The following ME1 variants were observed in gnomAD, a reference collection of about 807,000 sequenced individuals.
The protein encoded by ME1 is malic enzyme 1, also known as NADP-dependent malic enzyme.
In ME1, 74 loss-of-function variants were observed where a neutral mutation model predicts 66.4. That is an observed-to-expected ratio of 1.11 (90% CI 0.92 to 1.35). The LOEUF (loss-of-function observed/expected upper bound fraction) is 1.35, where lower values mean the gene tolerates loss of function less well. ME1 is among the 40% of genes most tolerant of loss of function. The probability of loss-of-function intolerance (pLI) is 0.00; values close to 1 mark genes in which losing one functional copy is unlikely to be tolerated. For missense variants in ME1, 750 were observed against 694.1 expected (o/e 1.08, Z -0.90); for synonymous variants, 251 against 235.6 (o/e 1.07, Z -0.60).
At chr6:83,406,583 G>A (rs72911797) in intron 2 of ME1, among the ~76,000 whole-genome samples, 3,325 of 152,210 alleles carry the variant, frequency 0.022, 63 homozygotes, top group Middle Eastern at 0.048. Flanking sequence ...TCACACTGGG[G>A]ATTAGATTTC....
intron 3 of ME1, among the ~76,000 whole-genome samples, chr6:83,397,064 T>C (rs898986335): frequency 5.9e-5 from 9 of 152,120 alleles, no homozygotes; most frequent in African/African-American, 2.2e-4. Context: ...AGCCTCATGA[T>C]AGTAGTTTGG....
chr6:83,293,714 A>C (rs1583362171), intron 6 of ME1, among the ~76,000 whole-genome samples: 1 of 152,166 alleles, frequency 6.6e-6, no homozygotes, highest in Non-Finnish European at 1.5e-5. Flanking sequence ...GTCATAATGT[A>C]TCTGCTTCTG....
At chr6:83,221,001 A>C (rs752580030) in intron 12 of ME1, among the ~76,000 whole-genome samples, 10 of 152,176 alleles carry the variant, frequency 6.6e-5, no homozygotes, top group Non-Finnish European at 1.5e-4. Flanking sequence ...TCTACTAAAA[A>C]TACAAAAATT....
intron 6 of ME1, among the ~76,000 whole-genome samples, chr6:83,294,113 T>A (rs1349025385): frequency 6.6e-6 from 1 of 152,196 alleles, no homozygotes; most frequent in East Asian, 1.9e-4. Flanking sequence ...TGGATGAAGC[T>A]AAACATTTAC....
chr6:83,392,841 C>T (rs1769650501), intron 3 of ME1: 4 of 756,654 alleles, frequency 5.3e-6, no homozygotes, highest in East Asian at 5.5e-5. Context: ...AATATGACAA[C>T]AGCTCAAGAT....
At chr6:83,425,004 TTTTGTTTTGC>T (rs1415471623) in intron 1 of ME1, among the ~76,000 whole-genome samples, 1 of 152,156 alleles carries the variant, frequency 6.6e-6, no homozygotes, top group Non-Finnish European at 1.5e-5. Context: ...TATTCTTTTG[TTTTGTTTTGC>T]TTTGTTTTGT....
chr6:83,390,215 TG>T (rs1364382322), intron 3 of ME1, among the ~76,000 whole-genome samples: 1 of 152,196 alleles, frequency 6.6e-6, no homozygotes, highest in Non-Finnish European at 1.5e-5. Flanking sequence ...AAGATATATT[TG>T]TTTGTAACTA....
chr6:83,299,323 T>C (rs1170514), intron 6 of ME1, among the ~76,000 whole-genome samples: 72,132 of 151,778 alleles, frequency 0.48, 18,791 homozygotes, highest in African/African-American at 0.7. Flanking sequence ...TCCTTCGCTT[T>C]CCTTGCTAGC....
chr6:83,227,584 C>G (rs1343520468), intron 10 of ME1, 107 bp from the exon 11 acceptor site: 1 of 961,804 alleles, frequency 1.0e-6, no homozygotes, highest in African/African-American at 1.7e-5. Context: ...TCTAATAGAC[C>G]CTAAACAAAA....
At chr6:83,344,145 G>T (rs948670817) in intron 5 of ME1, among the ~76,000 whole-genome samples, 23 of 151,648 alleles carry the variant, frequency 1.5e-4, no homozygotes, top group Admixed American at 5.9e-4. Flanking sequence ...AATTAGATTG[G>T]TGTGGTGGTG....
chr6:83,343,043 T>G (rs150461879), intron 5 of ME1, among the ~76,000 whole-genome samples: 92 of 152,318 alleles, frequency 6.0e-4, no homozygotes, highest in African/African-American at 2.1e-3. Flanking sequence ...CTAGCTATTT[T>G]GAAATATACA....
intron 6 of ME1, among the ~76,000 whole-genome samples, chr6:83,254,053 A>G (rs1790765420): frequency 6.6e-6 from 1 of 152,198 alleles, no homozygotes; most frequent in African/African-American, 2.4e-5. Context: ...GGTATAAACA[A>G]GGAATGATAG....
rs116114512 is a variant in ME1, at chr6:83,355,278, G to C, written c.363-3139C>G. On this transcript the variant is annotated intron_variant, in intron 3 of 13. Transcript: ENST00000369705. ...ATTTTTTATTTGTATAAATTTAGGG[G>C]GTACCAGTGCAATTTTGTTACATGC... is the stretch of plus-strand genomic sequence containing the variant. Among the ~76,000 whole-genome samples the C allele has an allele frequency of 2.7e-3, 408 of 152,090 alleles. 3 individuals carry two copies. The highest frequency in any genetic ancestry group is 9.3e-3 in the African/African-American group (387 of 41,504).
At chr6:83,420,717 T>C (rs1562009754) in intron 1 of ME1, among the ~76,000 whole-genome samples, 1 of 152,190 alleles carries the variant, frequency 6.6e-6, no homozygotes, top group East Asian at 1.9e-4. Flanking sequence ...AAAACAGTGT[T>C]ACTTCAAGAA....
chr6:83,344,110 A>G (rs918675527), intron 5 of ME1, among the ~76,000 whole-genome samples: 11 of 128,282 alleles, frequency 8.6e-5, no homozygotes, highest in Non-Finnish European at 4.8e-5. Flanking sequence ...GACCCCGTCT[A>G]AAAAAAAAAA....
chr6:83,303,233 T>A (rs1767761080), intron 6 of ME1, among the ~76,000 whole-genome samples: 1 of 152,200 alleles, frequency 6.6e-6, no homozygotes, highest in Non-Finnish European at 1.5e-5. Flanking sequence ...TCTAGTTAAC[T>A]GGCATAAATG....
chr6:83,211,832 G>A lies in ME1; in HGVS notation c.*92C>T, dbSNP rs1327641700. The A allele has an allele frequency of 3.8e-6, 3 of 788,936 alleles. No individual in the cohort carries two copies. Among genetic ancestry groups the A allele is most frequent in the Non-Finnish European group, 5.4e-6 (3 of 553,490 alleles). The allele number at this position is 788,936 out of a possible 1,614,324, so 48.9% of individuals were successfully genotyped here. On this transcript the variant is annotated 3_prime_UTR_variant, in exon 14 of 14. Coordinates refer to ENST00000369705, the MANE Select transcript of ME1 (RefSeq NM_002395.6). ...GTTAAAGTAAAATCTTAATCTAAGT[G>A]TCTTATGAATCATTATAAAAGATTC...
chr6:83,237,507 C>T (rs956870934), intron 9 of ME1, among the ~76,000 whole-genome samples: 1 of 152,030 alleles, frequency 6.6e-6, no homozygotes, highest in African/African-American at 2.4e-5. Flanking sequence ...TGTAAGGAGC[C>T]GACTCACATT....
At chr6:83,364,682 T>TACATTC (rs1769066424) in intron 3 of ME1, among the ~76,000 whole-genome samples, 1 of 152,178 alleles carries the variant, frequency 6.6e-6, no homozygotes. Context: ...ATACACTTCA[T>TACATTC]GCATATGTAT....
Sources: allele counts gnomAD v4.1 joint callset (sites outside exome capture counted in the v4.1 genomes callset), GRCh38; gene constraint gnomAD v4.1.1; transcripts MANE v1.5; gene names NCBI Gene and HGNC (gene_info 2026-07-23, HGNC 2026-07-21).